BICRA: variants seen among roughly 807,000 people sequenced by gnomAD.
BICRA encodes BRD4 interacting chromatin remodeling complex associated protein.
BICRA carries 31 observed loss-of-function variants against 96.9 expected under a neutral mutation model. That is an observed-to-expected ratio of 0.32 (90% CI 0.24 to 0.43). The LOEUF is 0.43. Among genes scored for constraint, BICRA ranks in the 20% least tolerant of loss-of-function variants. The pLI, the probability that BICRA is intolerant of heterozygous loss-of-function variation, is 1.00. For synonymous variants in BICRA, 1,350 were observed against 1,071.8 expected (o/e 1.26, Z -5.07); for missense variants, 2,283 against 2,190.3 (o/e 1.04, Z -0.84).
At chr19:47,651,184 A>T (rs757920658) in intron 1 of BICRA, among the ~76,000 whole-genome samples, 1 of 151,990 alleles carries the variant, frequency 6.6e-6, no homozygotes, top group East Asian at 1.9e-4. Context: ...CACCCAAGTC[A>T]GGTCATGTCC....
chr19:47,609,080 C>G (rs1245407885), upstream of BICRA: 1 of 147,928 alleles, frequency 6.8e-6, no homozygotes, highest in Non-Finnish European at 1.5e-5. Context: ...CTGACCGGCC[C>G]GGCCGGCCGG....
At chr19:47,683,922 C>T (rs1206989903) in intron 7 of BICRA, among the ~76,000 whole-genome samples, 1 of 152,046 alleles carries the variant, frequency 6.6e-6, no homozygotes, top group African/African-American at 2.4e-5. Flanking sequence ...GGTACTCATT[C>T]AAAAAAGACC....
rs757965549 is a variant in BICRA at position 47,696,486 on chromosome 19, C to A, written c.3222C>A (p.Pro1074=). The change falls in exon 11 of 15, where the codon CCC becomes CCA. Residue 1074 remains proline, a synonymous_variant. Coordinates refer to ENST00000594866, the MANE Select transcript of BICRA (RefSeq NM_001394372.1). The part of the protein sequence containing the change: ...ESKLSGLKKP[P]TLQPSKEACF... ...AACTGAGTGGCCTGAAGAAGCCCCCCACGCTTCAGCCCAGCAAGGAAGCCT... is the reference window on the plus strand; with the variant it reads ...AACTGAGTGGCCTGAAGAAGCCCCCAACGCTTCAGCCCAGCAAGGAAGCCT... 5.0e-6 allele frequency: 8 copies of A among 1,604,834 alleles called. No homozygotes were observed. The East Asian group carries it at 6.7e-5, about 14-fold the overall frequency.
chr19:47,643,890 G>T (rs966377396), intron 1 of BICRA, among the ~76,000 whole-genome samples: 1 of 152,282 alleles, frequency 6.6e-6, no homozygotes, highest in South Asian at 2.1e-4. Flanking sequence ...GGTTAATTCT[G>T]TTCCGATGTC....
chr19:47,652,024 C>A (rs150550117), intron 1 of BICRA, among the ~76,000 whole-genome samples: 4 of 152,152 alleles, frequency 2.6e-5, no homozygotes, highest in Non-Finnish European at 5.9e-5. Flanking sequence ...CTCTGCCAGC[C>A]CAAACCCCTG....
chr19:47,643,654 T>C (rs991820753), intron 1 of BICRA, among the ~76,000 whole-genome samples: 3 of 152,202 alleles, frequency 2.0e-5, no homozygotes, highest in Non-Finnish European at 4.4e-5. Flanking sequence ...GTAGGTTAGC[T>C]GAGAAAACAA....
chr19:47,621,034 C>G (rs985531164), intron 1 of BICRA, among the ~76,000 whole-genome samples: 1 of 152,002 alleles, frequency 6.6e-6, no homozygotes, highest in Non-Finnish European at 1.5e-5. Context: ...TACTCACTCC[C>G]TAAGTGCTGT....
At chr19:47,612,399 G>A (rs945343749) in intron 1 of BICRA, among the ~76,000 whole-genome samples, 2 of 151,086 alleles carry the variant, frequency 1.3e-5, no homozygotes, top group African/African-American at 2.4e-5. Context: ...CTGGGCAAGA[G>A]TGAGACCCTG....
At chr19:47,683,668 T>C (rs1450276626) in intron 7 of BICRA, among the ~76,000 whole-genome samples, 2 of 151,568 alleles carry the variant, frequency 1.3e-5, no homozygotes, top group Non-Finnish European at 2.9e-5. Context: ...CACTGCAAGC[T>C]CCGCCTCTCG....
At position 47,699,444 on chromosome 19, in the gene BICRA, G is replaced by T; in HGVS notation, c.3595+39G>T. On this transcript the variant is annotated intron_variant, in intron 14 of 14. Transcript: ENST00000594866. The surrounding 1 kb of genome is among the most constrained non-coding windows in gnomAD (Gnocchi z 5.0). ...GTGAGAGGGGAGGGGAGGGAGAGGT[G>T]CCCCCACCCCACCTGGGCAGAAGAG... The T allele has an allele frequency of 8.8e-7, 1 of 1,138,872 alleles. No individual in the cohort carries two copies. 70.5% of individuals were successfully genotyped at this position (1,138,872 alleles called of 1,614,324 possible).
chr19:47,639,319 ATTTT>A (rs35509834), intron 1 of BICRA, among the ~76,000 whole-genome samples: 2 of 52,378 alleles, frequency 3.8e-5, no homozygotes, highest in African/African-American at 1.7e-4. Context: ...CCCACCCTGC[ATTTT>A]TTTTTTTTTT....
In BICRA at chr19:47,702,529, G is replaced by C; in HGVS notation, c.*114G>C. ...CGGGGATCCCCTGACGGTTTTTCTT[G>C]CCTAAGTTATTTGAGTCACAAAGGC... On this transcript the variant is annotated 3_prime_UTR_variant, in exon 15 of 15. Coordinates refer to ENST00000594866, the MANE Select transcript of BICRA (RefSeq NM_001394372.1). 1 of 1,256,978 alleles carries C rather than the reference G, an allele frequency of 8.0e-7. No homozygotes were observed. The highest frequency in any genetic ancestry group is 1.8e-5 in the South Asian group (1 of 56,040). The allele number at this position is 1,256,978 out of a possible 1,614,324, so 77.9% of individuals were successfully genotyped here.
rs774570521 is a variant in BICRA, at chr19:47,701,648, A to C, written c.3916A>C (p.Ile1306Leu). The C allele has an allele frequency of 2.4e-5, 38 of 1,596,424 alleles. No individual in the cohort carries two copies. The highest frequency in any genetic ancestry group is 3.0e-5 in the Non-Finnish European group (35 of 1,172,960). The change falls in exon 15 of 15, where the codon ATC becomes CTC. Residue 1306 changes from isoleucine to leucine, a missense_variant. Ile to Leu is a conservative substitution (Grantham distance 5, BLOSUM62 2). Coordinates refer to ENST00000594866, the MANE Select transcript of BICRA (RefSeq NM_001394372.1). The surrounding 1 kb of genome is among the most constrained non-coding windows in gnomAD (Gnocchi z 5.4). ...PIKTYEARSRIGLKLKIKQEA... is the reference protein window; with the variant it reads ...PIKTYEARSRLGLKLKIKQEA... Reference sequence around the variant, plus strand: ...CAAGACCTACGAGGCCCGGAGCCGCATCGGGCTCAAGCTCAAGATCAAGCA... The same window carrying C: ...CAAGACCTACGAGGCCCGGAGCCGCCTCGGGCTCAAGCTCAAGATCAAGCA...
In BICRA at chr19:47,680,077, G is replaced by T; in HGVS notation, c.907G>T (p.Gly303Trp). Residue 303 changes from glycine (G) to tryptophan (W), a missense_variant, in exon 6 of 15, where the codon GGG becomes TGG. By Grantham distance (184) the Gly-to-Trp change is radical. Coordinates refer to ENST00000594866, the MANE Select transcript of BICRA (RefSeq NM_001394372.1). ...GGCCGCTGTGGCCACCACGCTCAAT[G>T]GGAACTCTGTGTTCGGAGGCGCGGG... ...LSAAVATTLN[G>W]NSVFGGAGAA... The T allele has an allele frequency of 6.4e-7, 1 of 1,564,318 alleles. No homozygotes were observed. Among genetic ancestry groups the T allele is most frequent in the East Asian group, 2.4e-5 (1 of 42,170 alleles).
intron 1 of BICRA, among the ~76,000 whole-genome samples, chr19:47,645,612 G>T (rs771510066): frequency 6.6e-6 from 1 of 152,210 alleles, no homozygotes; most frequent in African/African-American, 2.4e-5. Flanking sequence ...GAGCAAAAAA[G>T]AAACTGGAAT....
chr19:47,681,045 C>G lies in BICRA; in HGVS notation c.1875C>G (p.Pro625=). 4 of 1,413,108 alleles carry G rather than the reference C, an allele frequency of 2.8e-6. No homozygotes were observed. The African/African-American group carries it at 6.1e-5, about 22-fold the overall frequency. The allele number at this position is 1,413,108 out of a possible 1,614,324, so 87.5% of individuals were successfully genotyped here. The change falls in exon 6 of 15, where the codon CCC becomes CCG. Residue 625 remains proline, a synonymous_variant. Coordinates refer to ENST00000594866, the MANE Select transcript of BICRA (RefSeq NM_001394372.1). ...CTGTCCTCACGGTGCAGCCTGCCCC[C>G]CAGGCGCCCCCCGCGGTCAGCACAC... ...AAPVLTVQPA[P]QAPPAVSTPL...
chr19:47,681,202 G>A lies in BICRA; in HGVS notation c.2032G>A (p.Val678Ile). Residue 678 changes from valine (V) to isoleucine (I), a missense_variant, in exon 6 of 15, where the codon GTC becomes ATC. Val to Ile is a conservative substitution (Grantham distance 29). Coordinates refer to ENST00000594866, the MANE Select transcript of BICRA (RefSeq NM_001394372.1). ...PGLASSPEKI[V>I]LGQPPSATPT... ...CCTGGCGTCTAGCCCGGAGAAGATC[G>A]TCCTGGGGCAGCCGCCCTCTGCCAC... is the stretch of plus-strand genomic sequence containing the variant. 15 of 1,534,046 alleles carry A rather than the reference G, an allele frequency of 9.8e-6. No individual in the cohort carries two copies. Among genetic ancestry groups the A allele is most frequent in the Non-Finnish European group, 1.1e-5 (13 of 1,145,048 alleles).
chr19:47,678,979 C>T (rs900924671), intron 5 of BICRA: 3 of 233,338 alleles, frequency 1.3e-5, no homozygotes, highest in African/African-American at 4.6e-5. Context: ...CTCCACTCTG[C>T]AGCCTCAAAC....
chr19:47,684,046 C>T (rs571711149), intron 7 of BICRA, among the ~76,000 whole-genome samples: 16 of 152,350 alleles, frequency 1.1e-4, no homozygotes, highest in African/African-American at 3.6e-4. Context: ...TCCCACTTAC[C>T]ATTTAACCTT....
Sources: allele counts gnomAD v4.1 joint callset (sites outside exome capture counted in the v4.1 genomes callset), GRCh38; gene constraint gnomAD v4.1.1; non-coding constraint Gnocchi (gnomAD v3.1); transcripts MANE v1.5; gene names NCBI Gene and HGNC (gene_info 2026-07-23, HGNC 2026-07-21).